Variants in HAPLN2 observed in about 807,000 individuals in gnomAD.
HAPLN2 encodes the protein hyaluronan and proteoglycan link protein 2.
HAPLN2 carries 27 observed loss-of-function variants against 29.3 expected under a neutral mutation model. The observed-to-expected ratio is 0.92, with a 90% CI of 0.68 to 1.27. The LOEUF is 1.27. Among genes scored for constraint, HAPLN2 ranks in the 50% most tolerant of loss-of-function variants. The pLI is 0.00. For missense variants in HAPLN2, 454 were observed against 484.3 expected (o/e 0.94, Z 0.59); for synonymous variants, 208 against 211.7 (o/e 0.98, Z 0.15).
chr1:156,614,952 T>C (rs1678023970), upstream of HAPLN2: 2 of 152,206 alleles, frequency 1.3e-5, no homozygotes, highest in Non-Finnish European at 2.9e-5. Context: ...TGCTTTCCAT[T>C]ATTTCACTTT....
chr1:156,609,812 A>G, the HAPLN2 span, among the ~76,000 whole-genome samples: 40 of 152,308 alleles, frequency 2.6e-4, no homozygotes, highest in Admixed American at 1.6e-3. Flanking sequence ...ATCAGGTACT[A>G]CGCTTACTAC....
Position 156,623,450 on chromosome 1 carries a change from C to A in HAPLN2, c.-24-17C>A. On this transcript the variant is annotated splice_polypyrimidine_tract_variant and intron_variant, in intron 2 of 6. Coordinates refer to ENST00000255039, the MANE Select transcript of HAPLN2 (RefSeq NM_021817.3). ...TTGCCCCAGTCCTAAGAACTGCCCA[C>A]TCTTTGTGCCCTGCAGACGGTGCCG... The A allele has an allele frequency of 6.2e-7, 1 of 1,609,494 alleles. No homozygotes were observed. Among genetic ancestry groups the A allele is most frequent in the Non-Finnish European group, 8.5e-7 (1 of 1,177,442 alleles).
At chr1:156,616,553 C>G (rs1304229799), upstream of HAPLN2, among the ~76,000 whole-genome samples, 3 of 152,210 alleles carry the variant, frequency 2.0e-5, no homozygotes, top group Non-Finnish European at 4.4e-5. Flanking sequence ...GAGAAATGAG[C>G]CTGGGAATGG....
chr1:156,624,600 G>C lies in HAPLN2; in HGVS notation c.557-1G>C, dbSNP rs745397577. 1 of 1,612,390 alleles carries C rather than the reference G, an allele frequency of 6.2e-7. No individual in the cohort carries two copies. Among genetic ancestry groups the C allele is most frequent in the South Asian group, 1.1e-5 (1 of 90,830 alleles). The stretch of plus-strand genomic sequence containing the variant: ...CCCCGACCTCCGCCGTCTCCCGCCA[G>C]CTTGGACCGAGGGTCTGGACTGGTG... On this transcript the variant is annotated splice_acceptor_variant, in intron 5 of 6. Coordinates refer to ENST00000255039, the MANE Select transcript of HAPLN2 (RefSeq NM_021817.3). LOFTEE classifies it high-confidence loss of function.
chr1:156,614,834 A>G (rs914907386), upstream of HAPLN2: 1 of 152,260 alleles, frequency 6.6e-6, no homozygotes, highest in Non-Finnish European at 1.5e-5. Context: ...TGAATTGACC[A>G]TTATAAACAG....
intron 4 of HAPLN2, 56 bp downstream of exon 4, chr1:156,624,216 G>T: frequency 6.5e-7 from 1 of 1,542,676 alleles, no homozygotes; most frequent in Non-Finnish European, 8.8e-7. Flanking sequence ...CGCCTCGCCT[G>T]GGTCTCCCAG....
the HAPLN2 span, among the ~76,000 whole-genome samples, chr1:156,611,363 A>C: frequency 6.7e-6 from 1 of 149,974 alleles, no homozygotes; most frequent in Non-Finnish European, 1.5e-5. Context: ...TCAGGAGTTC[A>C]AGACCAGCCT....
the HAPLN2 span, among the ~76,000 whole-genome samples, chr1:156,601,664 C>T: frequency 6.6e-6 from 1 of 152,302 alleles, no homozygotes; most frequent in African/African-American, 2.4e-5. Context: ...TCCCTGCAAT[C>T]CTTGAGCAGC....
chr1:156,621,507 C>T (rs969970841), intron 2 of HAPLN2, among the ~76,000 whole-genome samples: 3 of 151,338 alleles, frequency 2.0e-5, no homozygotes, highest in Non-Finnish European at 2.9e-5. Context: ...GGCCAAGGAG[C>T]GTGGATCACC....
chr1:156,616,145 G>T (rs1296474299), upstream of HAPLN2, among the ~76,000 whole-genome samples: 5 of 152,124 alleles, frequency 3.3e-5, no homozygotes, highest in Admixed American at 3.3e-4. Context: ...GAGTGTGGGT[G>T]TTAGAGAAGG....
the HAPLN2 span, among the ~76,000 whole-genome samples, chr1:156,613,176 C>G: frequency 2.0e-5 from 3 of 151,972 alleles, no homozygotes; most frequent in Non-Finnish European, 4.4e-5. Context: ...TGGCGAAACC[C>G]TGTCTCTACT....
rs756846322 is a variant in HAPLN2, at chr1:156,624,696, C to G, written c.652C>G (p.Arg218Gly). 6.3e-7 allele frequency: 1 copy of G among 1,596,124 alleles called. No individual in the cohort carries two copies. Among genetic ancestry groups the G allele is most frequent in the Admixed American group, 1.7e-5 (1 of 58,302 alleles). Residue 218 changes from arginine to glycine, a missense_variant, in exon 6 of 7, where the codon CGA (arginine) becomes GGA (glycine). Physicochemically the swap from Arg to Gly is moderately radical, Grantham distance 125. Coordinates refer to ENST00000255039, the MANE Select transcript of HAPLN2 (RefSeq NM_021817.3). ...VLTARAPCGG[R>G]GRPGIRSYGP... is the part of the protein sequence containing the mutation. ...CACCGCACGCGCCCCGTGCGGCGGC[C>G]GAGGCCGGCCCGGGATCCGCAGCTA...
chr1:156,603,360 G>A, the HAPLN2 span, among the ~76,000 whole-genome samples: 2 of 151,802 alleles, frequency 1.3e-5, no homozygotes, highest in Non-Finnish European at 2.9e-5. Flanking sequence ...CTTGAGTTTC[G>A]CTGCAGTGTC....
Position 156,624,598 on chromosome 1 carries a change from C to T in HAPLN2, c.557-3C>T, listed in dbSNP as rs1164852298. On this transcript the variant is annotated splice_polypyrimidine_tract_variant and splice_region_variant and intron_variant, in intron 5 of 6. Coordinates refer to ENST00000255039, the MANE Select transcript of HAPLN2 (RefSeq NM_021817.3). ...ATCCCCGACCTCCGCCGTCTCCCGC[C>T]AGCTTGGACCGAGGGTCTGGACTGG... is the stretch of plus-strand genomic sequence containing the variant. 2.5e-6 allele frequency: 4 copies of T among 1,612,156 alleles called. No individual in the cohort carries two copies. Among genetic ancestry groups the T allele is most frequent in the South Asian group, 1.1e-5 (1 of 90,768 alleles).
chr1:156,611,977 C>A, the HAPLN2 span, among the ~76,000 whole-genome samples: 5 of 152,272 alleles, frequency 3.3e-5, no homozygotes, highest in East Asian at 9.6e-4. Context: ...AAGAAAACTT[C>A]AATTTTATTT....
Position 156,625,184 on chromosome 1 carries a change from G to A in HAPLN2, c.823G>A (p.Val275Ile). 1 of 1,549,868 alleles carries A rather than the reference G, an allele frequency of 6.5e-7. No homozygotes were observed. Among genetic ancestry groups the A allele is most frequent in the Admixed American group, 1.9e-5 (1 of 51,308 alleles). ...CRRRGAVVAK[V>I]GHLYAAWKFS... ...GCGACGCGGCGCCGTGGTGGCCAAGGTTGGGCACCTCTACGCCGCCTGGAA... is the reference window on the plus strand; with the variant it reads ...GCGACGCGGCGCCGTGGTGGCCAAGATTGGGCACCTCTACGCCGCCTGGAA... The change falls in exon 7 of 7, where the codon GTT (valine) becomes ATT (isoleucine). Residue 275 changes from valine (V) to isoleucine (I), a missense_variant. Around this residue, in one of 3 missense-constraint regions of HAPLN2, gnomAD observed 235 missense variants for 236.9 expected, o/e 0.99. Transcript: ENST00000255039. This position sits in a 1 kb window ranked among gnomAD's most constrained non-coding sequence, Gnocchi z 5.7.
At chr1:156,603,711 C>T in the HAPLN2 span, among the ~76,000 whole-genome samples, 6 of 152,128 alleles carry the variant, frequency 3.9e-5, no homozygotes, top group Non-Finnish European at 7.4e-5. Context: ...AGTCTTTGAG[C>T]TCACTGTTGT....
At position 156,624,180 on chromosome 1, in the gene HAPLN2, G is replaced by A; in HGVS notation, c.439+20G>A. 1 of 1,604,302 alleles carries A rather than the reference G, an allele frequency of 6.2e-7. No individual in the cohort carries two copies. Among genetic ancestry groups the A allele is most frequent in the African/African-American group, 1.3e-5 (1 of 74,808 alleles). On this transcript the variant is annotated intron_variant, in intron 4 of 6. Coordinates refer to ENST00000255039, the MANE Select transcript of HAPLN2 (RefSeq NM_021817.3). ...TGGAGGGTGAGGCCCTTCCGCTCCC[G>A]CCCCATTCCTGTGTAGCAGCGGGTC...
chr1:156,616,108 A>G (rs1472034462), upstream of HAPLN2, among the ~76,000 whole-genome samples: 1 of 152,212 alleles, frequency 6.6e-6, no homozygotes, highest in East Asian at 1.9e-4. Context: ...AAAACTGGCC[A>G]GCTGAACCTG....
Sources: gnomAD v4.1 joint callset for allele counts (sites outside exome capture counted in the v4.1 genomes callset) on GRCh38, gnomAD v4.1.1 for gene constraint, gnomAD v4.1.1 regional missense constraint, Gnocchi (gnomAD v3.1) non-coding constraint, MANE v1.5 for transcripts, NCBI Gene and HGNC (gene_info 2026-07-23, HGNC 2026-07-21) for gene names.